CPEB3: variants seen among roughly 807,000 people sequenced by gnomAD.
CPEB3 encodes the protein cytoplasmic polyadenylation element-binding protein 3.
Under a neutral mutation model 67.2 loss-of-function variants are expected in CPEB3, and 20 were observed. The observed-to-expected ratio is 0.30, with a 90% CI of 0.21 to 0.43. CPEB3 has a LOEUF of 0.43. Ranked by LOEUF, CPEB3 falls within the 20% of genes least tolerant of loss-of-function variation. The pLI, the probability that CPEB3 is intolerant of heterozygous loss-of-function variation, is 1.00. For synonymous variants in CPEB3, 376 were observed against 393.1 expected (o/e 0.96, Z 0.51); for missense variants, 746 against 968.6 (o/e 0.77, Z 3.05).
At chr10:92,174,925 T>G (rs1848157133) in intron 4 of CPEB3, among the ~76,000 whole-genome samples, 1 of 152,196 alleles carries the variant, frequency 6.6e-6, no homozygotes, top group Non-Finnish European at 1.5e-5. Flanking sequence ...TGCTTCCTAC[T>G]TCCCAAATGT....
At chr10:92,229,201 T>A (rs546954696) in intron 2 of CPEB3, among the ~76,000 whole-genome samples, 38 of 147,436 alleles carry the variant, frequency 2.6e-4, no homozygotes, top group East Asian at 7.7e-4. Context: ...TTTTAAAAAA[T>A]TTTTAATTTT....
Position 92,145,232 on chromosome 10 carries a change from T to C in CPEB3, c.1223-147A>G. 4 of 783,146 alleles carry C rather than the reference T, an allele frequency of 5.1e-6. No individual in the cohort carries two copies. In the East Asian group the frequency reaches 1.1e-4, roughly 21 times the overall value. 48.5% of individuals were successfully genotyped at this position (783,146 alleles called of 1,614,324 possible). On this transcript the variant is annotated intron_variant, in intron 4 of 9. Coordinates refer to ENST00000265997, the MANE Select transcript of CPEB3 (RefSeq NM_014912.5). Reference sequence around the variant, plus strand: ...AAAAAAGGTGTCCTGAGCTGTGGCTTTTCCAAGATTAACAGGACTGAATAT... The same window carrying C: ...AAAAAAGGTGTCCTGAGCTGTGGCTCTTCCAAGATTAACAGGACTGAATAT...
At chr10:92,057,947 A>G (rs1034882267) in intron 9 of CPEB3, among the ~76,000 whole-genome samples, 1 of 152,198 alleles carries the variant, frequency 6.6e-6, no homozygotes, top group African/African-American at 2.4e-5. Flanking sequence ...CCTTTCACAT[A>G]TCTGGAAAAC....
At chr10:92,139,524 C>T (rs1846288446) in intron 6 of CPEB3, among the ~76,000 whole-genome samples, 1 of 129,080 alleles carries the variant, frequency 7.7e-6, no homozygotes, top group African/African-American at 3.1e-5. Context: ...TGTAAGTTAC[C>T]AGAGGCTGGA....
chr10:92,259,517 C>T (rs2134876493), intron 1 of CPEB3, among the ~76,000 whole-genome samples: 1 of 151,888 alleles, frequency 6.6e-6, no homozygotes, highest in Middle Eastern at 3.4e-3. Context: ...AGGAGAATCT[C>T]TTGAACCCGG....
chr10:92,135,249 T>G (rs1590212839), intron 6 of CPEB3, among the ~76,000 whole-genome samples: 2 of 152,088 alleles, frequency 1.3e-5, no homozygotes, highest in East Asian at 3.8e-4. Context: ...AGGAGAAAAT[T>G]TTTGCAATCT....
At chr10:92,200,022 A>G (rs1321017033) in intron 2 of CPEB3, among the ~76,000 whole-genome samples, 1 of 152,142 alleles carries the variant, frequency 6.6e-6, no homozygotes, top group Admixed American at 6.5e-5. Flanking sequence ...TTATATTTGT[A>G]GCCCTCTGGA....
At chr10:92,233,357 C>T (rs1348904183) in intron 2 of CPEB3, among the ~76,000 whole-genome samples, 4 of 151,832 alleles carry the variant, frequency 2.6e-5, no homozygotes, top group Non-Finnish European at 5.9e-5. Flanking sequence ...GGTGAAACCC[C>T]GTCACCCTGT....
chr10:92,160,856 A>G (rs918373916), intron 4 of CPEB3, among the ~76,000 whole-genome samples: 13 of 152,204 alleles, frequency 8.5e-5, no homozygotes, highest in Non-Finnish European at 1.5e-5. Flanking sequence ...AATTGGGGAC[A>G]GAGGAAGAGT....
At chr10:92,285,317 C>T (rs1842476966) in intron 1 of CPEB3, among the ~76,000 whole-genome samples, 1 of 152,198 alleles carries the variant, frequency 6.6e-6, no homozygotes, top group African/African-American at 2.4e-5. Flanking sequence ...GTTGCCCAGG[C>T]TGGAGTGTAG....
chr10:92,262,259 T>C (rs1852836438), intron 1 of CPEB3, among the ~76,000 whole-genome samples: 1 of 152,162 alleles, frequency 6.6e-6, no homozygotes, highest in Non-Finnish European at 1.5e-5. Context: ...AGATGATGTG[T>C]AAAAAGAACA....
At chr10:92,205,468 T>C (rs1180371592) in intron 2 of CPEB3, among the ~76,000 whole-genome samples, 1 of 143,014 alleles carries the variant, frequency 7.0e-6, no homozygotes, top group Non-Finnish European at 1.5e-5. Context: ...TTAAATTCAG[T>C]CCTTTTTTTT....
chr10:92,167,726 G>C (rs934377057), intron 4 of CPEB3, among the ~76,000 whole-genome samples: 1 of 152,118 alleles, frequency 6.6e-6, no homozygotes, highest in African/African-American at 2.4e-5. Flanking sequence ...GGCCAACATA[G>C]TGAAACACTG....
At chr10:92,141,569 C>T (rs1846423636) in intron 6 of CPEB3, among the ~76,000 whole-genome samples, 1 of 151,836 alleles carries the variant, frequency 6.6e-6, no homozygotes, top group Admixed American at 6.6e-5. Flanking sequence ...CAGCATGGCA[C>T]ATGTATACAT....
At chr10:92,181,736 C>A (rs1848470418) in intron 3 of CPEB3, among the ~76,000 whole-genome samples, 1 of 152,178 alleles carries the variant, frequency 6.6e-6, no homozygotes, top group Non-Finnish European at 1.5e-5. Flanking sequence ...CTTGTAAACA[C>A]AACCAAACCA....
intron 6 of CPEB3, among the ~76,000 whole-genome samples, chr10:92,129,850 C>T (rs1326149311): frequency 3.3e-5 from 5 of 151,930 alleles, no homozygotes; most frequent in African/African-American, 4.8e-5. Context: ...GAGAACAGCC[C>T]AGGCAACAGA....
intron 3 of CPEB3, among the ~76,000 whole-genome samples, chr10:92,189,625 G>A (rs899587002): frequency 1.6e-4 from 24 of 149,992 alleles, no homozygotes; most frequent in African/African-American, 5.6e-4. Context: ...CCTATATGGA[G>A]AATATAAAAT....
intron 6 of CPEB3, among the ~76,000 whole-genome samples, chr10:92,126,120 C>T (rs544215461): frequency 2.6e-5 from 4 of 152,286 alleles, no homozygotes; most frequent in South Asian, 2.1e-4. Flanking sequence ...CTGGGTCAAT[C>T]AAATTCCCTC....
chr10:92,249,047 G>A (rs562940400), intron 1 of CPEB3, among the ~76,000 whole-genome samples: 22 of 151,892 alleles, frequency 1.4e-4, no homozygotes, highest in Non-Finnish European at 2.4e-4. Flanking sequence ...TGTGATACTG[G>A]TGTAAACAAA....
Sources: gnomAD v4.1 joint callset for allele counts (sites outside exome capture counted in the v4.1 genomes callset) on GRCh38, gnomAD v4.1.1 for gene constraint, MANE v1.5 for transcripts, NCBI Gene and HGNC (gene_info 2026-07-23, HGNC 2026-07-21) for gene names.